RNFT2: variants seen among roughly 807,000 people sequenced by gnomAD.
RNFT2 encodes ring finger protein, transmembrane 2, also known as E3 ubiquitin-protein ligase RNFT2.
RNFT2 carries 36 observed loss-of-function variants against 53.0 expected under a neutral mutation model. The ratio of observed to expected loss-of-function variants is 0.68; its 90% CI spans 0.52 to 0.90. The LOEUF (loss-of-function observed/expected upper bound fraction) is 0.90, where lower values mean the gene tolerates loss of function less well. Ranked by LOEUF, RNFT2 falls within the 40% of genes least tolerant of loss-of-function variation. The pLI is 0.00. For missense variants in RNFT2, 514 were observed against 585.6 expected (o/e 0.88, Z 1.26); for synonymous variants, 260 against 253.2 (o/e 1.03, Z -0.26).
chr12:116,739,756 G>A (rs926052704), intron 1 of RNFT2, among the ~76,000 whole-genome samples: 3 of 152,242 alleles, frequency 2.0e-5, no homozygotes, highest in African/African-American at 7.2e-5. Context: ...GTTGGAAACA[G>A]ATGATGCTAC....
chr12:116,801,027 G>T (rs1874768027), intron 7 of RNFT2: 1 of 152,104 alleles, frequency 6.6e-6, no homozygotes, highest in Admixed American at 6.5e-5. Flanking sequence ...TATCCACTGT[G>T]TGAAGTGCTT....
intron 7 of RNFT2, among the ~76,000 whole-genome samples, chr12:116,823,534 A>T (rs907339631): frequency 1.3e-5 from 2 of 152,154 alleles, no homozygotes; most frequent in Non-Finnish European, 2.9e-5. Context: ...AAATATGAAA[A>T]TGAGCTGGGC....
At chr12:116,743,674 G>C (rs968625891) in intron 3 of RNFT2, among the ~76,000 whole-genome samples, 5 of 152,184 alleles carry the variant, frequency 3.3e-5, no homozygotes, top group Non-Finnish European at 5.9e-5. Context: ...ATACATCCAA[G>C]GGGCGGGCAG....
At chr12:116,751,535 C>G (rs1177985741) in intron 4 of RNFT2, among the ~76,000 whole-genome samples, 1 of 151,956 alleles carries the variant, frequency 6.6e-6, no homozygotes, top group Non-Finnish European at 1.5e-5. Flanking sequence ...TCCCGAGTGA[C>G]TGGGATTACA....
At position 116,852,450 on chromosome 12, in the gene RNFT2, C is replaced by T; in HGVS notation, c.*3002C>T. On this transcript the variant is annotated 3_prime_UTR_variant, in exon 11 of 11. Transcript: ENST00000257575. ...CGTCTGTTCCAGGGCAGTGTAGCAT[C>T]TTTCAAGCTCCGTTACTATGGCGAT... The T allele has an allele frequency of 2.8e-6, 4 of 1,422,028 alleles. No homozygotes were observed. Among genetic ancestry groups the T allele is most frequent in the Non-Finnish European group, 3.7e-6 (4 of 1,087,366 alleles). 88.1% of individuals were successfully genotyped at this position (1,422,028 alleles called of 1,614,324 possible).
intron 10 of RNFT2, among the ~76,000 whole-genome samples, chr12:116,839,769 G>A (rs1202118241): frequency 8.9e-6 from 1 of 112,382 alleles, no homozygotes; most frequent in African/African-American, 3.3e-5. Context: ...TGGAAGGAAG[G>A]AAGGAAGGGA....
At chr12:116,845,801 C>G (rs146850072) in intron 10 of RNFT2, among the ~76,000 whole-genome samples, 1 of 152,074 alleles carries the variant, frequency 6.6e-6, no homozygotes, top group Non-Finnish European at 1.5e-5. Context: ...TTTCCCCAAT[C>G]CCTCTCTCCC....
At chr12:116,815,948 C>T (rs1017856335) in intron 7 of RNFT2, among the ~76,000 whole-genome samples, 1 of 152,160 alleles carries the variant, frequency 6.6e-6, no homozygotes, top group Non-Finnish European at 1.5e-5. Flanking sequence ...GCCCTCTGCC[C>T]ATCTCTGCCT....
chr12:116,747,696 A>C (rs1204227909), intron 3 of RNFT2, among the ~76,000 whole-genome samples: 1 of 152,138 alleles, frequency 6.6e-6, no homozygotes, highest in African/African-American at 2.4e-5. Flanking sequence ...CCAGAGGATG[A>C]ATGAAGCCCA....
At chr12:116,762,042 G>A (rs941083703) in intron 5 of RNFT2, among the ~76,000 whole-genome samples, 7 of 149,552 alleles carry the variant, frequency 4.7e-5, no homozygotes, top group South Asian at 2.2e-4. Flanking sequence ...CCTCCAACCC[G>A]GGTGACAGAG....
Position 116,849,480 on chromosome 12 carries a change from C to A in RNFT2, c.*32C>A. On this transcript the variant is annotated 3_prime_UTR_variant, in exon 11 of 11. Coordinates refer to ENST00000257575, the MANE Select transcript of RNFT2 (RefSeq NM_001382266.1). ...ACACTGAGGACACCCAGAAGGACGC[C>A]AAGGGTCAGCATGCCCGGACCCAGC... 6.4e-7 allele frequency: 1 copy of A among 1,559,952 alleles called. No individual in the cohort carries two copies.
At chr12:116,764,612 G>A (rs1872831632) in intron 5 of RNFT2, among the ~76,000 whole-genome samples, 1 of 152,112 alleles carries the variant, frequency 6.6e-6, no homozygotes, top group South Asian at 2.1e-4. Flanking sequence ...GTAGGAGGGG[G>A]CAAGGACAGT....
intron 7 of RNFT2, among the ~76,000 whole-genome samples, chr12:116,799,881 A>C (rs1262002189): frequency 1.3e-5 from 2 of 152,204 alleles, no homozygotes; most frequent in Non-Finnish European, 2.9e-5. Flanking sequence ...CATGGTAAAA[A>C]GTGATTCCCC....
Position 116,779,239 on chromosome 12 carries a change from A to C in RNFT2, c.773A>C (p.Asp258Ala). Residue 258 changes from aspartate (D) to alanine (A), a missense_variant, in exon 7 of 11, where the codon GAC (aspartate) becomes GCC (alanine). Physicochemically the swap from Asp to Ala is moderately radical, Grantham distance 126. Transcript: ENST00000257575. ...KPNLEMLDFF[D>A]LLWIVGIADF... Reference sequence around the variant, plus strand: ...AACCTGGAGATGCTGGACTTCTTTGACCTGCTATGGATTGTGGGGATCGCA... The same window carrying C: ...AACCTGGAGATGCTGGACTTCTTTGCCCTGCTATGGATTGTGGGGATCGCA... 2 of 1,613,894 alleles carry C rather than the reference A, an allele frequency of 1.2e-6. No individual in the cohort carries two copies. Among genetic ancestry groups the C allele is most frequent in the Non-Finnish European group, 1.7e-6 (2 of 1,179,862 alleles).
intron 7 of RNFT2, among the ~76,000 whole-genome samples, chr12:116,832,144 A>ATAT (rs1414365866): frequency 0.073 from 3,762 of 51,404 alleles, 63 homozygotes; most frequent in Non-Finnish European, 0.1. Context: ...AAAAAAAAAA[A>ATAT]AAAAATATAT....
At chr12:116,801,917 G>A (rs1874816762) in intron 7 of RNFT2, among the ~76,000 whole-genome samples, 1 of 152,058 alleles carries the variant, frequency 6.6e-6, no homozygotes, top group Non-Finnish European at 1.5e-5. Flanking sequence ...CGCCTCCCAG[G>A]TTCAAGCGAT....
At chr12:116,795,807 C>T (rs1874477042) in intron 7 of RNFT2, among the ~76,000 whole-genome samples, 1 of 152,178 alleles carries the variant, frequency 6.6e-6, no homozygotes, top group Non-Finnish European at 1.5e-5. Flanking sequence ...CAGCTGGAGT[C>T]AACGAAACTG....
chr12:116,740,752 T>C (rs1479242282), intron 2 of RNFT2: 1 of 630,056 alleles, frequency 1.6e-6, no homozygotes, highest in Admixed American at 2.4e-5. Flanking sequence ...CAGCACCTCT[T>C]GGCTGCACAG....
chr12:116,788,379 C>G (rs1874035135), intron 7 of RNFT2, among the ~76,000 whole-genome samples: 1 of 152,186 alleles, frequency 6.6e-6, no homozygotes, highest in African/African-American at 2.4e-5. Flanking sequence ...TGCTTGCTGC[C>G]CTGTCTCCCA....
Sources: allele counts gnomAD v4.1 joint callset (sites outside exome capture counted in the v4.1 genomes callset), GRCh38; gene constraint gnomAD v4.1.1; transcripts MANE v1.5; gene names NCBI Gene and HGNC (gene_info 2026-07-23, HGNC 2026-07-21).